Variants in MCF2L2 observed in about 807,000 individuals in gnomAD.
MCF2L2 encodes MCF.2 cell line derived transforming sequence-like 2, also known as probable guanine nucleotide exchange factor MCF2L2.
Under a neutral mutation model 150.2 loss-of-function variants are expected in MCF2L2, and 102 were observed. The ratio of observed to expected loss-of-function variants is 0.68; its 90% CI spans 0.58 to 0.80. MCF2L2 has a LOEUF of 0.80. Ranked by LOEUF, MCF2L2 falls within the 30% of genes least tolerant of loss-of-function variation. The pLI, the probability that MCF2L2 is intolerant of heterozygous loss-of-function variation, is 0.00. For synonymous variants in MCF2L2, 465 were observed against 491.3 expected, an observed-to-expected ratio of 0.95 and a Z score of 0.71; for missense variants, 1,256 against 1,372.8, an observed-to-expected ratio of 0.91 and a Z score of 1.34.
intron 1 of MCF2L2, among the ~76,000 whole-genome samples, chr3:183,427,377 G>A (rs1055063680): frequency 2.6e-5 from 4 of 152,166 alleles, no homozygotes; most frequent in African/African-American, 9.7e-5. Flanking sequence ...GATCATCAGG[G>A]GTGTGCTTAA....
chr3:183,316,119 T>G (rs1425952194), intron 7 of MCF2L2, among the ~76,000 whole-genome samples: 2 of 152,172 alleles, frequency 1.3e-5, no homozygotes, highest in East Asian at 3.9e-4. Context: ...CCTGTGCAAC[T>G]GCAAACTCCT....
intron 15 of MCF2L2, among the ~76,000 whole-genome samples, chr3:183,233,548 G>A (rs1723661650): frequency 6.6e-6 from 1 of 152,058 alleles, no homozygotes; most frequent in Non-Finnish European, 1.5e-5. Flanking sequence ...ACAAGACGTA[G>A]ACAAGTAAGC....
At chr3:183,413,978 C>G (rs1381099942) in intron 1 of MCF2L2, among the ~76,000 whole-genome samples, 4 of 152,162 alleles carry the variant, frequency 2.6e-5, no homozygotes, top group African/African-American at 9.7e-5. Context: ...CCGTACAGTT[C>G]AAACCTATGT....
chr3:183,238,852 C>A (rs1290715028), intron 15 of MCF2L2, among the ~76,000 whole-genome samples: 10 of 151,512 alleles, frequency 6.6e-5, no homozygotes, highest in African/African-American at 1.9e-4. Context: ...AAAAAATTAG[C>A]CAGGCGTGGT....
At chr3:183,266,778 C>CAGTGTTTCA (rs1288293935) in intron 15 of MCF2L2, among the ~76,000 whole-genome samples, 1 of 151,578 alleles carries the variant, frequency 6.6e-6, no homozygotes, top group Admixed American at 6.6e-5. Flanking sequence ...TTCCTTAGAG[C>CAGTGTTTCA]AGTGTTTCAG....
At chr3:183,216,558 A>AT (rs1722927993) in intron 21 of MCF2L2, among the ~76,000 whole-genome samples, 1 of 3,460 alleles carries the variant, frequency 2.9e-4, no homozygotes, top group Non-Finnish European at 6.5e-4. Flanking sequence ...TATATTATAT[A>AT]TATATATATA....
intron 14 of MCF2L2, among the ~76,000 whole-genome samples, chr3:183,281,057 G>C (rs1333571376): frequency 6.6e-6 from 1 of 151,950 alleles, no homozygotes; most frequent in Non-Finnish European, 1.5e-5. Context: ...AAATGTTAAA[G>C]GTTCAGCATT....
chr3:183,254,295 C>T (rs919549710), intron 15 of MCF2L2: 1 of 151,804 alleles, frequency 6.6e-6, no homozygotes, highest in Non-Finnish European at 1.5e-5. Flanking sequence ...CGGGGCCCGC[C>T]GCCCTGGCCC....
At chr3:183,316,351 T>G (rs1403568060) in intron 7 of MCF2L2, among the ~76,000 whole-genome samples, 1 of 152,032 alleles carries the variant, frequency 6.6e-6, no homozygotes, top group Admixed American at 6.6e-5. Context: ...TGTTTTGTTT[T>G]GTTTTGTTTT....
At chr3:183,249,516 C>T (rs925378493) in intron 15 of MCF2L2, among the ~76,000 whole-genome samples, 5 of 152,172 alleles carry the variant, frequency 3.3e-5, no homozygotes, top group Non-Finnish European at 7.3e-5. Flanking sequence ...GAGGCCCCTC[C>T]CCCATGCAGA....
intron 7 of MCF2L2, among the ~76,000 whole-genome samples, chr3:183,317,421 C>T (rs1449633552): frequency 1.3e-5 from 2 of 152,132 alleles, no homozygotes; most frequent in South Asian, 2.1e-4. Context: ...GGGAAGATTT[C>T]CCTGTACTGC....
chr3:183,207,368 A>G (rs377109300), intron 23 of MCF2L2, among the ~76,000 whole-genome samples: 2 of 152,226 alleles, frequency 1.3e-5, no homozygotes, highest in East Asian at 3.8e-4. Flanking sequence ...TAGTTTGTCC[A>G]GACTGGCTGC....
intron 3 of MCF2L2, among the ~76,000 whole-genome samples, chr3:183,355,403 A>G (rs1711703296): frequency 6.6e-6 from 1 of 151,650 alleles, no homozygotes; most frequent in Non-Finnish European, 1.5e-5. Flanking sequence ...GGCAGAAAGC[A>G]GGAATAGCAA....
At chr3:183,297,654 T>TCCTC (rs1728600403) in intron 11 of MCF2L2, 1 of 110,430 alleles carries the variant, frequency 9.1e-6, no homozygotes, top group South Asian at 3.5e-4. Flanking sequence ...CTTCCTTCCT[T>TCCTC]CCTTCCTTCC....
intron 3 of MCF2L2, among the ~76,000 whole-genome samples, chr3:183,364,885 C>T (rs970458135): frequency 2.0e-5 from 3 of 152,164 alleles, no homozygotes; most frequent in African/African-American, 7.2e-5. Context: ...TGAACGTTAT[C>T]AAGGCCCAGA....
intron 1 of MCF2L2, chr3:183,400,452 C>T (rs1187268218): frequency 1.8e-5 from 8 of 456,502 alleles, no homozygotes; most frequent in Non-Finnish European, 3.1e-5. Flanking sequence ...AGGTGAGTAT[C>T]TAGGATCTTG....
rs530720403 is a variant in MCF2L2 at position 183,394,840 on chromosome 3, T to C, written c.77-5061A>G. Reference sequence around the variant, plus strand: ...TCTAATACACAATGCTGGGGTTATATTGGAAAATCAGTACTTCTGCAGAAC... The same window carrying C: ...TCTAATACACAATGCTGGGGTTATACTGGAAAATCAGTACTTCTGCAGAAC... On this transcript the variant is annotated intron_variant, in intron 1 of 29. Transcript: ENST00000328913. Among the ~76,000 whole-genome samples the C allele has an allele frequency of 1.2e-4, 18 of 152,322 alleles. 1 individual carries two copies. The highest frequency in any genetic ancestry group is 4.1e-4 in the African/African-American group (17 of 41,576).
intron 22 of MCF2L2, among the ~76,000 whole-genome samples, chr3:183,212,959 G>A (rs1469496719): frequency 1.5e-5 from 2 of 133,748 alleles, no homozygotes; most frequent in Non-Finnish European, 3.3e-5. Context: ...GGGGGGGTGG[G>A]GGGGGTGGGG....
At chr3:183,192,030 T>C (rs1014327036) in intron 27 of MCF2L2, among the ~76,000 whole-genome samples, 7 of 151,414 alleles carry the variant, frequency 4.6e-5, no homozygotes, top group Non-Finnish European at 5.9e-5. Flanking sequence ...TTTGTATTTT[T>C]AGTAGAGATG....
Sources: allele counts gnomAD v4.1 joint callset (sites outside exome capture counted in the v4.1 genomes callset), GRCh38; gene constraint gnomAD v4.1.1; transcripts MANE v1.5; gene names NCBI Gene and HGNC (gene_info 2026-07-23, HGNC 2026-07-21).